The following FMN2 variants were observed in gnomAD, a reference collection of about 807,000 sequenced individuals.
FMN2 encodes the protein formin-2.
A neutral mutation model predicts 142.3 loss-of-function variants in FMN2; 51 were observed. That is an observed-to-expected ratio of 0.36 (90% CI 0.29 to 0.45). FMN2 has a LOEUF of 0.45. Among genes scored for constraint, FMN2 ranks in the 20% least tolerant of loss-of-function variants. FMN2 has a pLI of 1.00. For missense variants in FMN2, 1,936 were observed against 2,122.8 expected, an observed-to-expected ratio of 0.91 and a Z score of 1.73; for synonymous variants, 882 against 869.8, an observed-to-expected ratio of 1.01 and a Z score of -0.25.
intron 8 of FMN2, among the ~76,000 whole-genome samples, chr1:240,321,208 G>A (rs1013394557): frequency 6.6e-6 from 1 of 151,388 alleles, no homozygotes; most frequent in Non-Finnish European, 1.5e-5. Flanking sequence ...TGCAAACCGT[G>A]GTTATTCATA....
At chr1:240,170,813 G>A in intron 2 of FMN2, 4 of 885,042 alleles carry the variant, frequency 4.5e-6, no homozygotes, top group South Asian at 4.0e-5. Flanking sequence ...AAAGTGGCTG[G>A]TGCATCCCGG....
chr1:240,401,478 C>A (rs1428409937), intron 15 of FMN2, among the ~76,000 whole-genome samples: 1 of 152,132 alleles, frequency 6.6e-6, no homozygotes, highest in Non-Finnish European at 1.5e-5. Flanking sequence ...TCAAAAGGTT[C>A]CTAATCCATG....
At chr1:240,183,487 G>A (rs892884321) in intron 3 of FMN2, among the ~76,000 whole-genome samples, 12 of 147,258 alleles carry the variant, frequency 8.1e-5, no homozygotes, top group African/African-American at 3.0e-4. Flanking sequence ...ATTATATATT[G>A]AATTAGATAA....
intron 15 of FMN2, among the ~76,000 whole-genome samples, chr1:240,394,324 G>C (rs1409185965): frequency 6.6e-6 from 1 of 152,158 alleles, no homozygotes; most frequent in Non-Finnish European, 1.5e-5. Context: ...AGTTCTATGG[G>C]ACCATTGAGC....
At chr1:240,116,429 C>T (rs1662025169) in intron 1 of FMN2, among the ~76,000 whole-genome samples, 1 of 152,132 alleles carries the variant, frequency 6.6e-6, no homozygotes, top group Admixed American at 6.5e-5. Context: ...AGCACTCCGA[C>T]ATTGCCGTGT....
At chr1:240,154,107 CAAAAAAAAAAAAA>C (rs3047182) in intron 2 of FMN2, among the ~76,000 whole-genome samples, 13 of 55,318 alleles carry the variant, frequency 2.4e-4, no homozygotes, top group African/African-American at 8.7e-4. Flanking sequence ...GAGATTCCAT[CAAAAAAAAAAAAA>C]AAAAAAAAAA....
intron 2 of FMN2, among the ~76,000 whole-genome samples, chr1:240,159,905 G>GTATATATATATATATATATATCTGTGTA (rs1664191648): frequency 8.3e-6 from 1 of 120,092 alleles, no homozygotes; most frequent in Non-Finnish European, 1.7e-5. Context: ...ATATATCTGT[G>GTATATATATATATATATATATCTGTGTA]TATATATATA....
chr1:240,397,343 A>G (rs1259203512), intron 15 of FMN2, among the ~76,000 whole-genome samples: 1 of 152,154 alleles, frequency 6.6e-6, no homozygotes, highest in Non-Finnish European at 1.5e-5. Context: ...TAGTATTGCA[A>G]TCTTGAGTCT....
intron 14 of FMN2, among the ~76,000 whole-genome samples, chr1:240,388,517 G>A (rs1327488472): frequency 1.3e-5 from 2 of 151,984 alleles, no homozygotes; most frequent in African/African-American, 4.8e-5. Flanking sequence ...AGCTTTTATG[G>A]TCCGAGGTGG....
At chr1:240,271,032 G>A (rs540019264) in intron 7 of FMN2, among the ~76,000 whole-genome samples, 1 of 143,974 alleles carries the variant, frequency 6.9e-6, no homozygotes, top group South Asian at 2.2e-4. Context: ...AATAATTAAA[G>A]CACAAGAACA....
rs1665264267 is a variant in FMN2 at position 240,183,949 on chromosome 1, T to A, written c.1931-4258T>A. 2.0e-5 allele frequency among the ~76,000 whole-genome samples: 3 copies of A among 152,168 alleles called. No individual in the cohort carries two copies. The South Asian group carries it at 6.2e-4, about 31-fold the overall frequency. On this transcript the variant is annotated intron_variant, in intron 3 of 17. Coordinates refer to ENST00000319653, the MANE Select transcript of FMN2 (RefSeq NM_020066.5). The stretch of plus-strand genomic sequence containing the variant: ...TATAGCTGCATTTTAACTTAAAATG[T>A]CTGTTTAGAGACTACTTCATTCATT...
intron 8 of FMN2, among the ~76,000 whole-genome samples, chr1:240,304,225 C>A (rs115258215): frequency 6.6e-6 from 1 of 152,042 alleles, no homozygotes; most frequent in South Asian, 2.1e-4. Flanking sequence ...ACTTTTGTTT[C>A]TTTGTATGTC....
At chr1:240,412,995 C>T (rs1340214486) in intron 15 of FMN2, among the ~76,000 whole-genome samples, 16 of 149,138 alleles carry the variant, frequency 1.1e-4, no homozygotes, top group East Asian at 6.0e-4. Context: ...TAGTGGTGGG[C>T]GCCTGTAGTC....
intron 8 of FMN2, among the ~76,000 whole-genome samples, chr1:240,301,942 A>G (rs1375509950): frequency 1.3e-5 from 2 of 151,930 alleles, no homozygotes; most frequent in Non-Finnish European, 2.9e-5. Context: ...TCAACCTGAA[A>G]CTATTCTTTT....
chr1:240,138,601 G>A (rs1181462137), intron 2 of FMN2, among the ~76,000 whole-genome samples: 1 of 151,996 alleles, frequency 6.6e-6, no homozygotes, highest in African/African-American at 2.4e-5. Flanking sequence ...CAGCTACTTG[G>A]GAGGCTGAGG....
At chr1:240,397,823 T>A (rs113819311) in intron 15 of FMN2, among the ~76,000 whole-genome samples, 13 of 132,108 alleles carry the variant, frequency 9.8e-5, no homozygotes, top group South Asian at 7.9e-4. Flanking sequence ...TAACCACACC[T>A]AAAAACTGCT....
chr1:240,424,337 C>G (rs1230587251), intron 15 of FMN2, among the ~76,000 whole-genome samples: 1 of 152,046 alleles, frequency 6.6e-6, no homozygotes, highest in Admixed American at 6.6e-5. Flanking sequence ...TTCTTCTGAG[C>G]CAAGTGAGAT....
intron 2 of FMN2, among the ~76,000 whole-genome samples, chr1:240,159,911 A>ATATATATATATATATATATCTGTG (rs1558328471): frequency 2.6e-4 from 21 of 79,284 alleles, no homozygotes; most frequent in African/African-American, 1.5e-3. Context: ...CTGTGTATAT[A>ATATATATATATATATATATCTGTG]TATATATATA....
chr1:240,095,354 T>C (rs545202071), intron 1 of FMN2, among the ~76,000 whole-genome samples: 17 of 149,574 alleles, frequency 1.1e-4, no homozygotes, highest in Non-Finnish European at 1.5e-4. Context: ...CAAATATATA[T>C]ATGTATATAC....
Sources: gnomAD v4.1 joint callset for allele counts (sites outside exome capture counted in the v4.1 genomes callset) on GRCh38, gnomAD v4.1.1 for gene constraint, MANE v1.5 for transcripts, NCBI Gene and HGNC (gene_info 2026-07-23, HGNC 2026-07-21) for gene names.